The following BLTP1 variants were observed in gnomAD, a reference collection of about 807,000 sequenced individuals.
BLTP1 encodes the protein bridge-like lipid transfer protein family member 1.
chr4:122,202,899 T>C, the BLTP1 span, among the ~76,000 whole-genome samples: 2 of 152,040 alleles, frequency 1.3e-5, no homozygotes, highest in African/African-American at 4.8e-5. Flanking sequence ...GTTATTTTTT[T>C]AATAAAATTT....
At chr4:122,176,019 A>G in the BLTP1 span, 1 of 660,072 alleles carries the variant, frequency 1.5e-6, no homozygotes. Context: ...TTTAATTTTT[A>G]GGCCAGTCAC....
the BLTP1 span, among the ~76,000 whole-genome samples, chr4:122,354,930 G>C: frequency 6.6e-6 from 1 of 152,048 alleles, no homozygotes; most frequent in African/African-American, 2.4e-5. Flanking sequence ...CTCCCAAAGT[G>C]CTGGGATTAC....
At chr4:122,304,054 A>G in the BLTP1 span, among the ~76,000 whole-genome samples, 1 of 152,124 alleles carries the variant, frequency 6.6e-6, no homozygotes, top group African/African-American at 2.4e-5. Context: ...CACAAACCTC[A>G]TTGTCATTTT....
chr4:122,344,588 A>G, the BLTP1 span: 29 of 1,486,506 alleles, frequency 2.0e-5, no homozygotes, highest in Non-Finnish European at 2.7e-5. Flanking sequence ...TTTTTAAATT[A>G]AAATACTGTT....
At chr4:122,249,495 C>T in the BLTP1 span, 13 of 1,612,686 alleles carry the variant, frequency 8.1e-6, no homozygotes, top group Non-Finnish European at 1.1e-5. Flanking sequence ...ACATTGGGAC[C>T]TGTGCAATCA....
chr4:122,285,712 G>A, the BLTP1 span, among the ~76,000 whole-genome samples: 1 of 152,160 alleles, frequency 6.6e-6, no homozygotes. Flanking sequence ...TAGGCAATTT[G>A]ATGATGTTTG....
chr4:122,216,836 CCTAAGCCAATGT>C, the BLTP1 span, among the ~76,000 whole-genome samples: 7 of 152,010 alleles, frequency 4.6e-5, no homozygotes, highest in Non-Finnish European at 8.8e-5. Context: ...GAATTCTTTG[CCTAAGCCAATGT>C]CTAGAAGAGT....
chr4:122,304,248 C>G, the BLTP1 span, among the ~76,000 whole-genome samples: 1 of 152,092 alleles, frequency 6.6e-6, no homozygotes, highest in African/African-American at 2.4e-5. Flanking sequence ...GAGTCTTGCT[C>G]TGTCTCAGGC....
the BLTP1 span, among the ~76,000 whole-genome samples, chr4:122,160,292 T>C: frequency 6.6e-6 from 1 of 152,186 alleles, no homozygotes; most frequent in Non-Finnish European, 1.5e-5. Context: ...TGAAATCCCA[T>C]TAAGATATCT....
chr4:122,158,944 C>T, the BLTP1 span, among the ~76,000 whole-genome samples: 1 of 152,104 alleles, frequency 6.6e-6, no homozygotes, highest in Non-Finnish European at 1.5e-5. Flanking sequence ...ATTTTTGTAG[C>T]ATAGATTATG....
At chr4:122,175,250 A>G in the BLTP1 span, 1 of 985,094 alleles carries the variant, frequency 1.0e-6, no homozygotes, top group Non-Finnish European at 1.2e-6. Flanking sequence ...CTCACTTAAA[A>G]CTAGAGGAGA....
chr4:122,330,625 CAG>C, the BLTP1 span, among the ~76,000 whole-genome samples: 2 of 151,864 alleles, frequency 1.3e-5, no homozygotes, highest in African/African-American at 4.8e-5. Flanking sequence ...ACTCCCTTGT[CAG>C]ATATATGGTT....
the BLTP1 span, chr4:122,263,398 T>A: frequency 2.0e-6 from 3 of 1,502,930 alleles, no homozygotes; most frequent in Non-Finnish European, 2.7e-6. Context: ...TTTTTGCTCC[T>A]TAGTATATAA....
the BLTP1 span, chr4:122,271,319 G>A: frequency 1.2e-6 from 2 of 1,613,732 alleles, no homozygotes; most frequent in African/African-American, 2.7e-5. Context: ...CAGATATACA[G>A]CCGGATCTGC....
the BLTP1 span, chr4:122,197,475 T>C: frequency 1.2e-6 from 1 of 845,252 alleles, no homozygotes; most frequent in Non-Finnish European, 1.4e-6. Context: ...TCTAATCAAG[T>C]TCAGTCTTAT....
At chr4:122,173,101 A>T in the BLTP1 span, 1 of 1,610,520 alleles carries the variant, frequency 6.2e-7, no homozygotes, top group Non-Finnish European at 8.5e-7. Context: ...TGTTGGTCTT[A>T]TTTTAACACT....
the BLTP1 span, chr4:122,174,581 C>T: frequency 2.5e-6 from 4 of 1,609,484 alleles, no homozygotes; most frequent in South Asian, 2.2e-5. Flanking sequence ...CAGGTTCCTT[C>T]TCTTTCTCTG....
the BLTP1 span, among the ~76,000 whole-genome samples, chr4:122,317,497 C>G: frequency 6.6e-6 from 1 of 152,122 alleles, no homozygotes; most frequent in Non-Finnish European, 1.5e-5. Flanking sequence ...TAATCTTTAT[C>G]TGTTGCCTGC....
chr4:122,195,397 T>TATA, the BLTP1 span, among the ~76,000 whole-genome samples: 2 of 152,144 alleles, frequency 1.3e-5, no homozygotes, highest in Non-Finnish European at 2.9e-5. Context: ...AGATGATGAT[T>TATA]ATAATAATAC....
Sources: allele counts gnomAD v4.1 joint callset (sites outside exome capture counted in the v4.1 genomes callset), GRCh38; gene constraint gnomAD v4.1.1; transcripts MANE v1.5; gene names NCBI Gene and HGNC (gene_info 2026-07-23, HGNC 2026-07-21).